SLC25A21: variants seen among roughly 807,000 people sequenced by gnomAD.
The protein encoded by SLC25A21 is solute carrier family 25 member 21, also known as mitochondrial 2-oxodicarboxylate carrier.
Under a neutral mutation model 43.8 loss-of-function variants are expected in SLC25A21, and 47 were observed. The observed-to-expected ratio is 1.07, with a 90% CI of 0.85 to 1.37. SLC25A21 has a LOEUF of 1.37. Among genes scored for constraint, SLC25A21 ranks in the 40% most tolerant of loss-of-function variants. SLC25A21 has a pLI of 0.00. For synonymous variants in SLC25A21, 131 were observed against 121.3 expected (o/e 1.08, Z -0.52); for missense variants, 352 against 350.2 (o/e 1.00, Z -0.04).
At chr14:37,114,300 C>T (rs1963069618) in intron 1 of SLC25A21, among the ~76,000 whole-genome samples, 1 of 152,124 alleles carries the variant, frequency 6.6e-6, no homozygotes, top group Non-Finnish European at 1.5e-5. Context: ...ACATTAAGCC[C>T]TAATTTGAAA....
At chr14:37,119,558 A>AG (rs927793681) in intron 1 of SLC25A21, among the ~76,000 whole-genome samples, 4 of 46,446 alleles carry the variant, frequency 8.6e-5, no homozygotes, top group African/African-American at 1.5e-4. Context: ...CACCATAAAA[A>AG]AAAAGAAAAA....
intron 1 of SLC25A21, among the ~76,000 whole-genome samples, chr14:36,965,330 A>C (rs1462197973): frequency 6.6e-6 from 1 of 152,132 alleles, no homozygotes. Flanking sequence ...CTAAATTTAA[A>C]GTCTTGGTTT....
chr14:36,866,376 T>C (rs1268552043), intron 2 of SLC25A21, among the ~76,000 whole-genome samples: 1 of 152,148 alleles, frequency 6.6e-6, no homozygotes, highest in Non-Finnish European at 1.5e-5. Flanking sequence ...TAAAAAATGA[T>C]TCAGGGCGAA....
chr14:36,681,279 C>T (rs1156897486), intron 9 of SLC25A21, among the ~76,000 whole-genome samples: 2 of 152,178 alleles, frequency 1.3e-5, no homozygotes, highest in Admixed American at 6.5e-5. Flanking sequence ...GAAAGCTAAC[C>T]TTCATTCCTT....
rs558763708 is a variant in SLC25A21, at chr14:36,933,802, T to C, written c.71-58798A>G. Reference sequence around the variant, plus strand: ...CAGTATTTCTTTCTCTTTCTGGTTCTGCACTATAGATAGCCATATACAAGA... The same window carrying C: ...CAGTATTTCTTTCTCTTTCTGGTTCCGCACTATAGATAGCCATATACAAGA... On this transcript the variant is annotated intron_variant, in intron 1 of 9. Transcript: ENST00000331299. Among the ~76,000 whole-genome samples the C allele has an allele frequency of 6.6e-5, 10 of 152,318 alleles. No individual in the cohort carries two copies. The South Asian group carries it at 1.9e-3, about 28-fold the overall frequency.
intron 1 of SLC25A21, among the ~76,000 whole-genome samples, chr14:37,170,826 T>G (rs1205637916): frequency 3.3e-5 from 5 of 151,570 alleles, no homozygotes; most frequent in African/African-American, 1.2e-4. Context: ...GGTGGGCTCC[T>G]GTAGTCCCAG....
chr14:36,679,190 C>T lies in SLC25A21; in HGVS notation c.*1468G>A, dbSNP rs937490879. 4 of 984,732 alleles carry T rather than the reference C, an allele frequency of 4.1e-6. No individual in the cohort carries two copies. The highest frequency in any genetic ancestry group is 4.8e-6 in the Non-Finnish European group (4 of 829,580). The allele number at this position is 984,732 out of a possible 1,614,324, so 61.0% of individuals were successfully genotyped here. A position where few individuals can be genotyped will look rare whatever the true frequency, so the allele number is the denominator to read the frequency against. ...ACACATTCTTATTTCTTTTTTTTCA[C>T]AATTTTGTTTTGTTTTTAATGACCC... On this transcript the variant is annotated 3_prime_UTR_variant, in exon 10 of 10. Coordinates refer to ENST00000331299, the MANE Select transcript of SLC25A21 (RefSeq NM_030631.4).
At chr14:36,922,687 T>C (rs570032222) in intron 1 of SLC25A21, among the ~76,000 whole-genome samples, 68 of 152,142 alleles carry the variant, frequency 4.5e-4, no homozygotes, top group Non-Finnish European at 8.1e-4. Flanking sequence ...ATAGCCAGGG[T>C]AGGGAGACCT....
At chr14:36,750,337 C>G (rs1363239717) in intron 3 of SLC25A21, among the ~76,000 whole-genome samples, 1 of 152,118 alleles carries the variant, frequency 6.6e-6, no homozygotes. Flanking sequence ...GTTCTTATCC[C>G]CCATCAACTA....
chr14:36,883,180 C>A (rs1031469975), intron 1 of SLC25A21, among the ~76,000 whole-genome samples: 1 of 152,122 alleles, frequency 6.6e-6, no homozygotes, highest in African/African-American at 2.4e-5. Context: ...ACGAAAGCTA[C>A]CTGTAACCCC....
intron 3 of SLC25A21, among the ~76,000 whole-genome samples, chr14:36,792,591 G>A (rs939508493): frequency 2.0e-5 from 3 of 152,038 alleles, no homozygotes; most frequent in African/African-American, 7.2e-5. Flanking sequence ...TTCAGGGCAC[G>A]CAAAGGACAC....
At chr14:36,809,787 G>A (rs1268080975) in intron 3 of SLC25A21, among the ~76,000 whole-genome samples, 1 of 152,136 alleles carries the variant, frequency 6.6e-6, no homozygotes, top group African/African-American at 2.4e-5. Context: ...CAGGAGAGGC[G>A]AATTCTCCTA....
intron 2 of SLC25A21, among the ~76,000 whole-genome samples, chr14:36,836,440 G>T (rs1335170695): frequency 1.3e-5 from 2 of 152,168 alleles, no homozygotes; most frequent in Non-Finnish European, 2.9e-5. Flanking sequence ...GGTTTTTCTT[G>T]TCAGCTTGAA....
intron 1 of SLC25A21, among the ~76,000 whole-genome samples, chr14:36,974,416 A>C (rs1380865571): frequency 6.6e-6 from 1 of 152,216 alleles, no homozygotes; most frequent in Non-Finnish European, 1.5e-5. Flanking sequence ...TCTACATTCA[A>C]GAACTTGCCA....
At position 36,973,436 on chromosome 14, in the gene SLC25A21, T is replaced by C. The variant is rs141711751; in HGVS notation, c.71-98432A>G. Among the ~76,000 whole-genome samples the C allele has an allele frequency of 6.1e-3, 933 of 152,260 alleles. 9 individuals are homozygous for C. Among genetic ancestry groups the C allele is most frequent in the African/African-American group, 0.02 (830 of 41,566 alleles). On this transcript the variant is annotated intron_variant, in intron 1 of 9. Coordinates refer to ENST00000331299, the MANE Select transcript of SLC25A21 (RefSeq NM_030631.4). ...TTACATATGGAGCAAGGAGAAGCCCTAAGGTAAAGAAAACAGAAAAGTTGC... is the reference window on the plus strand; with the variant it reads ...TTACATATGGAGCAAGGAGAAGCCCCAAGGTAAAGAAAACAGAAAAGTTGC...
At chr14:37,025,553 G>A (rs148474304) in intron 1 of SLC25A21, among the ~76,000 whole-genome samples, 118 of 152,210 alleles carry the variant, frequency 7.8e-4, no homozygotes, top group African/African-American at 2.8e-3. Context: ...TGTTTGTTTT[G>A]ACACCAAGTG....
intron 1 of SLC25A21, among the ~76,000 whole-genome samples, chr14:36,917,703 A>G (rs1041402084): frequency 3.6e-5 from 5 of 140,782 alleles, no homozygotes; most frequent in Admixed American, 1.5e-4. Flanking sequence ...TATGGTTTGA[A>G]TAGTTCCTAA....
chr14:36,685,031 A>G (rs1191966276), intron 7 of SLC25A21, 106 bp from the exon 8 acceptor site: 3 of 768,454 alleles, frequency 3.9e-6, no homozygotes, highest in Non-Finnish European at 5.9e-6. Flanking sequence ...CACTCCCGGC[A>G]CCCTCCTGTT....
chr14:36,702,790 T>C (rs903088743), intron 7 of SLC25A21, among the ~76,000 whole-genome samples: 3 of 152,208 alleles, frequency 2.0e-5, no homozygotes, highest in African/African-American at 4.8e-5. Context: ...ATGAATAGAA[T>C]AGACCCACTG....
Sources: allele counts gnomAD v4.1 joint callset (sites outside exome capture counted in the v4.1 genomes callset), GRCh38; gene constraint gnomAD v4.1.1; transcripts MANE v1.5; gene names NCBI Gene and HGNC (gene_info 2026-07-23, HGNC 2026-07-21).